The following TMEM271 variants were observed in gnomAD, a reference collection of about 807,000 sequenced individuals.
TMEM271 encodes the protein transmembrane protein 271.
In TMEM271 at chr4:576,231, TCCC is replaced by T. The variant is rs1343659768; in HGVS notation, c.-172_-170del. The T allele has an allele frequency of 1.5e-5, 2 of 132,172 alleles. No individual in the cohort carries two copies. The highest frequency in any genetic ancestry group is 3.0e-5 in the Non-Finnish European group (2 of 65,626). The allele number at this position is 132,172 out of a possible 1,614,324, so 8.2% of individuals were successfully genotyped here. On this transcript the variant is annotated 5_prime_UTR_variant, in exon 1 of 1. Transcript: ENST00000610212. ...GCCGCCGGAGCCCGCATCCTCCGCC[TCCC>T]GCCGCCGCCGCCGCCGCCGCCGCCG... is the stretch of plus-strand genomic sequence containing the variant.
rs1380225158 is a variant in TMEM271, at chr4:574,045, T to C, written c.*860A>G. 1 of 151,704 alleles carries C rather than the reference T, an allele frequency of 6.6e-6. No homozygotes were observed. The highest frequency in any genetic ancestry group is 1.5e-5 in the Non-Finnish European group (1 of 67,998). 9.4% of individuals were successfully genotyped at this position (151,704 alleles called of 1,614,324 possible). A position where few individuals can be genotyped will look rare whatever the true frequency, so the allele number is the denominator to read the frequency against. On this transcript the variant is annotated 3_prime_UTR_variant, in exon 1 of 1. Coordinates refer to ENST00000610212, the MANE Select transcript of TMEM271 (RefSeq NM_001362796.2). ...GTATTAATCAAAAATAAGATCTGCTTTGCAGTCGAAACCACACAACCAGTT... is the reference window on the plus strand; with the variant it reads ...GTATTAATCAAAAATAAGATCTGCTCTGCAGTCGAAACCACACAACCAGTT...
chr4:574,900 CG>C lies in TMEM271; in HGVS notation c.*4del, dbSNP rs1732403051. On this transcript the variant is annotated 3_prime_UTR_variant, in exon 1 of 1. Transcript: ENST00000610212. Reference sequence around the variant, plus strand: ...GTCCGCGGGATGGGGGTCCGGCCCGCGGGATCAGCAGGCCCGATGGGTCTCC... The same window carrying C: ...GTCCGCGGGATGGGGGTCCGGCCCGCGGATCAGCAGGCCCGATGGGTCTCC... 1 of 396,318 alleles carries C rather than the reference CG, an allele frequency of 2.5e-6. No individual in the cohort carries two copies. The allele number at this position is 396,318 out of a possible 1,614,324, so 24.6% of individuals were successfully genotyped here. A position where few individuals can be genotyped will look rare whatever the true frequency, so the allele number is the denominator to read the frequency against.
rs531659290 is a variant in TMEM271, at chr4:576,232, CCCGCCGCCGCCGCCGCCG to C, written c.-188_-171del. On this transcript the variant is annotated 5_prime_UTR_variant, in exon 1 of 1. Transcript: ENST00000610212. Reference sequence around the variant, plus strand: ...CCGCCGGAGCCCGCATCCTCCGCCTCCCGCCGCCGCCGCCGCCGCCGCCGCCGCCGCGACCCCGCGCCG... The same window carrying C: ...CCGCCGGAGCCCGCATCCTCCGCCTCCCGCCGCCGCCGCGACCCCGCGCCG... 3 of 149,328 alleles carry C rather than the reference CCCGCCGCCGCCGCCGCCG, an allele frequency of 2.0e-5. No individual in the cohort carries two copies. Among genetic ancestry groups the C allele is most frequent in the South Asian group, 1.8e-4 (1 of 5,556 alleles). 9.3% of individuals were successfully genotyped at this position (149,328 alleles called of 1,614,324 possible). A position where few individuals can be genotyped will look rare whatever the true frequency, so the allele number is the denominator to read the frequency against.
rs1273753333 is a variant in TMEM271, at chr4:576,151, G to A, written c.-89C>T. 2 of 140,060 alleles carry A rather than the reference G, an allele frequency of 1.4e-5. No homozygotes were observed. The highest frequency in any genetic ancestry group is 3.2e-5 in the Non-Finnish European group (2 of 63,206). The allele number at this position is 140,060 out of a possible 1,614,324, so 8.7% of individuals were successfully genotyped here. On this transcript the variant is annotated 5_prime_UTR_variant, in exon 1 of 1. Transcript: ENST00000610212. The stretch of plus-strand genomic sequence containing the variant: ...CTGCGCCTCCTCCCGGCGCCGCGCG[G>A]CCGGACCGCCGGCCTCCTCCTCATC...
Position 575,496 on chromosome 4 carries a change from C to A in TMEM271, c.567G>T (p.Ser189=), listed in dbSNP as rs1412734722. The change falls in exon 1 of 1, where the codon TCG becomes TCT. Residue 189 remains serine, a synonymous_variant. Coordinates refer to ENST00000610212, the MANE Select transcript of TMEM271 (RefSeq NM_001362796.2). ...TGCGAGCGCGCGGGGCGCCGGGGGCCGAGCCCGGCGCCGAGCCGGGGGCCG... is the reference window on the plus strand; with the variant it reads ...TGCGAGCGCGCGGGGCGCCGGGGGCAGAGCCCGGCGCCGAGCCGGGGGCCG... The part of the protein sequence containing the change: ...PGSAPGSAPG[S]APGAPRARST... 67 of 285,702 alleles carry A rather than the reference C, an allele frequency of 2.3e-4. 2 individuals are homozygous for A. In the South Asian group the frequency reaches 6.0e-3, roughly 26 times the overall value. The allele number at this position is 285,702 out of a possible 1,614,324, so 17.7% of individuals were successfully genotyped here. A position where few individuals can be genotyped will look rare whatever the true frequency, so the allele number is the denominator to read the frequency against.
Position 575,982 on chromosome 4 carries a change from G to C in TMEM271, c.81C>G (p.Val27=), listed in dbSNP as rs968567222. 12 of 367,434 alleles carry C rather than the reference G, an allele frequency of 3.3e-5. No individual in the cohort carries two copies. The highest frequency in any genetic ancestry group is 5.8e-5 in the Non-Finnish European group (12 of 206,104). 22.8% of individuals were successfully genotyped at this position (367,434 alleles called of 1,614,324 possible). A position where few individuals can be genotyped will look rare whatever the true frequency, so the allele number is the denominator to read the frequency against. ...AGCCCAACGAGAAGCACTTGAGGCCGACGGCGGCGGCGCTGAGCGCGCAGG... is the reference window on the plus strand; with the variant it reads ...AGCCCAACGAGAAGCACTTGAGGCCCACGGCGGCGGCGCTGAGCGCGCAGG... ...LLACALSAAA[V]GLKCFSLGSE... Residue 27 remains valine (V), a synonymous_variant, in exon 1 of 1, where the codon GTC becomes GTG. Coordinates refer to ENST00000610212, the MANE Select transcript of TMEM271 (RefSeq NM_001362796.2).
Position 574,578 on chromosome 4 carries a change from A to C in TMEM271, c.*327T>G. The C allele has an allele frequency of 4.5e-6, 1 of 223,298 alleles. No individual in the cohort carries two copies. 13.8% of individuals were successfully genotyped at this position (223,298 alleles called of 1,614,324 possible). A position where few individuals can be genotyped will look rare whatever the true frequency, so the allele number is the denominator to read the frequency against. ...CAGGCAGAGCAGCCCCAGGGTTTGG[A>C]CTTGCCAAGAAAAGTGCAGTCGGGC... On this transcript the variant is annotated 3_prime_UTR_variant, in exon 1 of 1. Coordinates refer to ENST00000610212, the MANE Select transcript of TMEM271 (RefSeq NM_001362796.2).
Position 574,815 on chromosome 4 carries a change from G to T in TMEM271, c.*90C>A, listed in dbSNP as rs1195591775. On this transcript the variant is annotated 3_prime_UTR_variant, in exon 1 of 1. Coordinates refer to ENST00000610212, the MANE Select transcript of TMEM271 (RefSeq NM_001362796.2). ...GCCTGGCCCTGGACCCCGCCCCGCT[G>T]CCCGTCCTCCCTTGCCGCGGGGGTC... The T allele has an allele frequency of 7.4e-5, 29 of 393,362 alleles. No homozygotes were observed. In the East Asian group the frequency reaches 1.0e-3, roughly 14 times the overall value. The allele number at this position is 393,362 out of a possible 1,614,324, so 24.4% of individuals were successfully genotyped here.
In TMEM271 at chr4:574,699, A is replaced by G; in HGVS notation, c.*206T>C. ...AAACCTCCCAGATACAGAAATGGTCACATCAGGGGCCCCCTCCTGTGGTCA... is the reference window on the plus strand; with the variant it reads ...AAACCTCCCAGATACAGAAATGGTCGCATCAGGGGCCCCCTCCTGTGGTCA... On this transcript the variant is annotated 3_prime_UTR_variant, in exon 1 of 1. Coordinates refer to ENST00000610212, the MANE Select transcript of TMEM271 (RefSeq NM_001362796.2). 1 of 390,018 alleles carries G rather than the reference A, an allele frequency of 2.6e-6. No individual in the cohort carries two copies. Among genetic ancestry groups the G allele is most frequent in the Non-Finnish European group, 4.5e-6 (1 of 220,976 alleles). 24.2% of individuals were successfully genotyped at this position (390,018 alleles called of 1,614,324 possible). A position where few individuals can be genotyped will look rare whatever the true frequency, so the allele number is the denominator to read the frequency against.
At position 575,232 on chromosome 4, in the gene TMEM271, AGAGGCGGGCGGCTGCGCGCGG is replaced by A. The variant is rs1038105336; in HGVS notation, c.810_830del (p.Gln273_Ala279del). ...GGCCCCGCCGGCCCCGGCGCGCCCGAGAGGCGGGCGGCTGCGCGCGGAGCCCGGAGCCGCCGCGGGGCCGCG... is the reference window on the plus strand; with the variant it reads ...GGCCCCGCCGGCCCCGGCGCGCCCGAAGCCCGGAGCCGCCGCGGGGCCGCG... On this transcript the variant is annotated inframe_deletion, in exon 1 of 1. Coordinates refer to ENST00000610212, the MANE Select transcript of TMEM271 (RefSeq NM_001362796.2). The A allele has an allele frequency of 9.8e-6, 2 of 203,826 alleles. No homozygotes were observed. The highest frequency in any genetic ancestry group is 9.7e-6 in the Non-Finnish European group (1 of 103,372). The allele number at this position is 203,826 out of a possible 1,614,324, so 12.6% of individuals were successfully genotyped here.
At position 575,358 on chromosome 4, in the gene TMEM271, G is replaced by A. The variant is rs979119000; in HGVS notation, c.705C>T (p.Ser235=). ...NSLECLLGLL[S]LLLVKNYKSS... is the part of the protein sequence containing the mutation. ...ACTTGTAGTTCTTGACGAGCAGGAG[G>A]CTGAGCAGGCCCAGCAGGCACTCAA... Residue 235 remains serine, a synonymous_variant, in exon 1 of 1, where the codon AGC becomes AGT. Transcript: ENST00000610212. The A allele has an allele frequency of 1.5e-4, 38 of 261,178 alleles. No individual in the cohort carries two copies. The highest frequency in any genetic ancestry group is 2.4e-4 in the Non-Finnish European group (33 of 137,744). The allele number at this position is 261,178 out of a possible 1,614,324, so 16.2% of individuals were successfully genotyped here. A position where few individuals can be genotyped will look rare whatever the true frequency, so the allele number is the denominator to read the frequency against.
rs1732395932 is a variant in TMEM271 at position 574,547 on chromosome 4, G to C, written c.*358C>G. On this transcript the variant is annotated 3_prime_UTR_variant, in exon 1 of 1. Transcript: ENST00000610212. ...CGCTCGCTCTGTCCCCCTCGCCTCG[G>C]ACCACCAGGCAGAGCAGCCCCAGGG... 5.2e-6 allele frequency: 1 copy of C among 193,148 alleles called. No homozygotes were observed. The highest frequency in any genetic ancestry group is 2.3e-5 in the African/African-American group (1 of 43,118). 12.0% of individuals were successfully genotyped at this position (193,148 alleles called of 1,614,324 possible). A position where few individuals can be genotyped will look rare whatever the true frequency, so the allele number is the denominator to read the frequency against.
rs1416505493 is a variant in TMEM271 at position 575,780 on chromosome 4, C to A, written c.283G>T (p.Ala95Ser). The A allele has an allele frequency of 8.3e-6, 3 of 361,678 alleles. No individual in the cohort carries two copies. The highest frequency in any genetic ancestry group is 8.0e-5 in the East Asian group (2 of 24,882). 22.4% of individuals were successfully genotyped at this position (361,678 alleles called of 1,614,324 possible). A position where few individuals can be genotyped will look rare whatever the true frequency, so the allele number is the denominator to read the frequency against. ...CCCGGCGTGGCCTCGGGAGCGCCTG[C>A]CGGCGCCGCGGGGACCCCCAAACCC... is the stretch of plus-strand genomic sequence containing the variant. ...GPGLGVPAAP[A>S]GAPEATPGES... is the part of the protein sequence containing the mutation. Residue 95 changes from alanine to serine, a missense_variant, in exon 1 of 1, where the codon GCA becomes TCA. By Grantham distance (99) the Ala-to-Ser change is moderately conservative (BLOSUM62 1). Coordinates refer to ENST00000610212, the MANE Select transcript of TMEM271 (RefSeq NM_001362796.2).
chr4:574,921 G>A lies in TMEM271; in HGVS notation c.1142C>T (p.Thr381Ile). Residue 381 changes from threonine to isoleucine, a missense_variant, in exon 1 of 1, where the codon ACC (threonine) becomes ATC (isoleucine). By Grantham distance (89) the Thr-to-Ile change is moderately conservative. Transcript: ENST00000610212. ...CCCGCGGGATCAGCAGGCCCGATGG[G>A]TCTCCCAGGGCCGCGGCGTCTCGCA... is the stretch of plus-strand genomic sequence containing the variant. ...PPCETPRPWE[T>I]HRAC The A allele has an allele frequency of 2.5e-6, 1 of 396,770 alleles. No individual in the cohort carries two copies. Among genetic ancestry groups the A allele is most frequent in the Non-Finnish European group, 4.4e-6 (1 of 224,804 alleles). The allele number at this position is 396,770 out of a possible 1,614,324, so 24.6% of individuals were successfully genotyped here. A position where few individuals can be genotyped will look rare whatever the true frequency, so the allele number is the denominator to read the frequency against.
rs1250637338 is a variant in TMEM271, at chr4:575,811, C to G, written c.252G>C (p.Pro84=). 1 of 364,192 alleles carries G rather than the reference C, an allele frequency of 2.7e-6. No individual in the cohort carries two copies. The allele number at this position is 364,192 out of a possible 1,614,324, so 22.6% of individuals were successfully genotyped here. The change falls in exon 1 of 1, where the codon CCG becomes CCC. Residue 84 remains proline, a synonymous_variant. Transcript: ENST00000610212. ...PRDAPLAGSE[P]GPGLGVPAAP... ...CCGCGGGGACCCCCAAACCCGGGCCCGGTTCCGACCCCGCGAGGGGCGCGT... is the reference window on the plus strand; with the variant it reads ...CCGCGGGGACCCCCAAACCCGGGCCGGGTTCCGACCCCGCGAGGGGCGCGT...
rs1257687607 is a variant in TMEM271 at position 574,309 on chromosome 4, T to C, written c.*596A>G. 6.6e-6 allele frequency: 1 copy of C among 152,264 alleles called. No individual in the cohort carries two copies. The highest frequency in any genetic ancestry group is 1.5e-5 in the Non-Finnish European group (1 of 68,048). 9.4% of individuals were successfully genotyped at this position (152,264 alleles called of 1,614,324 possible). ...TATTCTCCAATAACATAGCAATTAA[T>C]TTAATAAAGGAACTCACCAATTTTA... On this transcript the variant is annotated 3_prime_UTR_variant, in exon 1 of 1. Transcript: ENST00000610212.
chr4:574,818 C>T lies in TMEM271; in HGVS notation c.*87G>A, dbSNP rs934122435. On this transcript the variant is annotated 3_prime_UTR_variant, in exon 1 of 1. Transcript: ENST00000610212. ...TGGCCCTGGACCCCGCCCCGCTGCC[C>T]GTCCTCCCTTGCCGCGGGGGTCCTG... 30 of 393,544 alleles carry T rather than the reference C, an allele frequency of 7.6e-5. No homozygotes were observed. The highest frequency in any genetic ancestry group is 6.0e-4 in the African/African-American group (29 of 48,492). 24.4% of individuals were successfully genotyped at this position (393,544 alleles called of 1,614,324 possible). A position where few individuals can be genotyped will look rare whatever the true frequency, so the allele number is the denominator to read the frequency against.
rs1577196527 is a variant in TMEM271, at chr4:575,250, G to A, written c.813C>T (p.Arg271=). The A allele has an allele frequency of 6.1e-6, 1 of 162,834 alleles. No homozygotes were observed. Among genetic ancestry groups the A allele is most frequent in the East Asian group, 1.8e-4 (1 of 5,572 alleles). 10.1% of individuals were successfully genotyped at this position (162,834 alleles called of 1,614,324 possible). Residue 271 remains arginine (R), a synonymous_variant, in exon 1 of 1, where the codon CGC becomes CGT. Coordinates refer to ENST00000610212, the MANE Select transcript of TMEM271 (RefSeq NM_001362796.2). ...LARPRGGSGL[R]AQPPASRARR... ...GCGCCCGAGAGGCGGGCGGCTGCGC[G>A]CGGAGCCCGGAGCCGCCGCGGGGCC...
rs1270019285 is a variant in TMEM271 at position 575,845 on chromosome 4, C to T, written c.218G>A (p.Gly73Glu). The change falls in exon 1 of 1, where the codon GGA becomes GAA. Residue 73 changes from glycine to glutamate, a missense_variant. Coordinates refer to ENST00000610212, the MANE Select transcript of TMEM271 (RefSeq NM_001362796.2). ...CCCCGCGAGGGGCGCGTCCCGGGGTCCGCAGCAGAGCAGGGCGGCGCCGAG... is the reference window on the plus strand; with the variant it reads ...CCCCGCGAGGGGCGCGTCCCGGGGTTCGCAGCAGAGCAGGGCGGCGCCGAG... ...SLLGAALLCC[G>E]PRDAPLAGSE... 8.2e-6 allele frequency: 3 copies of T among 367,700 alleles called. No homozygotes were observed. The highest frequency in any genetic ancestry group is 3.9e-5 in the East Asian group (1 of 25,612). The allele number at this position is 367,700 out of a possible 1,614,324, so 22.8% of individuals were successfully genotyped here.
Sources: allele counts gnomAD v4.1 joint callset, GRCh38; gene constraint gnomAD v4.1.1; transcripts MANE v1.5; gene names NCBI Gene and HGNC (gene_info 2026-07-23, HGNC 2026-07-21).